Variants in CFAP299 observed in about 807,000 individuals in gnomAD.
The protein encoded by CFAP299 is cilia- and flagella-associated protein 299.
In CFAP299, 21 loss-of-function variants were observed where a neutral mutation model predicts 27.0. The ratio of observed to expected loss-of-function variants is 0.78; its 90% CI spans 0.55 to 1.12. The LOEUF is 1.12. Ranked by LOEUF, CFAP299 falls within the 50% of genes most tolerant of loss-of-function variation. The pLI, the probability that CFAP299 is intolerant of heterozygous loss-of-function variation, is 0.00. For synonymous variants in CFAP299, 104 were observed against 98.1 expected, an observed-to-expected ratio of 1.06 and a Z score of -0.36; for missense variants, 310 against 276.6, an observed-to-expected ratio of 1.12 and a Z score of -0.86.
intron 3 of CFAP299, among the ~76,000 whole-genome samples, chr4:80,772,380 A>G (rs1398616380): frequency 1.3e-5 from 2 of 152,242 alleles, no homozygotes; most frequent in Admixed American, 6.5e-5. Context: ...GGACACAGGA[A>G]CATAACTGCA....
chr4:80,541,136 A>G (rs1311827307), intron 2 of CFAP299, among the ~76,000 whole-genome samples: 1 of 122,422 alleles, frequency 8.2e-6, no homozygotes, highest in Admixed American at 7.2e-5. Context: ...TGTGATTTAG[A>G]CATATGAACA....
At chr4:80,537,540 G>A (rs1004820315) in intron 2 of CFAP299, among the ~76,000 whole-genome samples, 4 of 152,026 alleles carry the variant, frequency 2.6e-5, no homozygotes, top group African/African-American at 9.7e-5. Flanking sequence ...GCAACAACAC[G>A]GATGAACCAG....
At chr4:80,364,122 C>G (rs1405135436) in intron 2 of CFAP299, among the ~76,000 whole-genome samples, 2 of 9,134 alleles carry the variant, frequency 2.2e-4, no homozygotes, top group East Asian at 0.012. Context: ...ACACACATTT[C>G]TTTGTTCATT....
intron 5 of CFAP299, among the ~76,000 whole-genome samples, chr4:80,954,458 A>G (rs1737947782): frequency 6.6e-6 from 1 of 152,222 alleles, no homozygotes; most frequent in African/African-American, 2.4e-5. Context: ...TAAGAAAGAA[A>G]AATCTCATGT....
intron 5 of CFAP299, among the ~76,000 whole-genome samples, chr4:80,960,684 C>T (rs1434524281): frequency 6.6e-6 from 1 of 151,832 alleles, no homozygotes; most frequent in Non-Finnish European, 1.5e-5. Flanking sequence ...CCTATTCTCA[C>T]AGTGTAGTCT....
intron 3 of CFAP299, among the ~76,000 whole-genome samples, chr4:80,595,832 G>A (rs1405453352): frequency 6.6e-6 from 1 of 152,142 alleles, no homozygotes; most frequent in Non-Finnish European, 1.5e-5. Context: ...TTCTGAGGTG[G>A]TGAAGTTCTC....
chr4:80,695,611 A>T (rs541064782), intron 3 of CFAP299, among the ~76,000 whole-genome samples: 4 of 152,052 alleles, frequency 2.6e-5, no homozygotes, highest in Admixed American at 2.6e-4. Flanking sequence ...CAACCAGTGT[A>T]GACCACATAT....
chr4:80,548,730 G>A (rs1232356131), intron 2 of CFAP299, among the ~76,000 whole-genome samples: 2 of 152,052 alleles, frequency 1.3e-5, no homozygotes, highest in East Asian at 1.9e-4. Context: ...ATGATGATTT[G>A]CTCAACTCAT....
rs1728840928 is a variant in CFAP299, at chr4:80,450,398, T to C, written c.242+87514T>C. The stretch of plus-strand genomic sequence containing the variant: ...GATGACTCCACAGAAGTAATAACTA[T>C]GCTCACTTAATATCACATTGCTTAG... On this transcript the variant is annotated intron_variant, in intron 2 of 5. Transcript: ENST00000358105. Among the ~76,000 whole-genome samples the C allele has an allele frequency of 4.6e-5, 7 of 152,306 alleles. 1 individual carries two copies. The South Asian group carries it at 1.4e-3, about 32-fold the overall frequency.
At chr4:80,901,449 C>T (rs1040323780) in intron 4 of CFAP299, among the ~76,000 whole-genome samples, 2 of 152,108 alleles carry the variant, frequency 1.3e-5, no homozygotes, top group Non-Finnish European at 2.9e-5. Context: ...GTGGGTAAAA[C>T]TGAGCATAAG....
At chr4:80,738,250 C>A (rs1724031720) in intron 3 of CFAP299, among the ~76,000 whole-genome samples, 1 of 152,074 alleles carries the variant, frequency 6.6e-6, no homozygotes, top group South Asian at 2.1e-4. Flanking sequence ...TACATTTGTT[C>A]TATAGTAAAG....
At chr4:80,633,224 G>A (rs928890384) in intron 3 of CFAP299, among the ~76,000 whole-genome samples, 16 of 152,226 alleles carry the variant, frequency 1.1e-4, no homozygotes, top group South Asian at 2.1e-4. Context: ...CGAGGCGGGC[G>A]GATCACGAGG....
intron 3 of CFAP299, among the ~76,000 whole-genome samples, chr4:80,649,363 A>G (rs1309128034): frequency 6.6e-6 from 1 of 152,170 alleles, no homozygotes; most frequent in South Asian, 2.1e-4. Flanking sequence ...AAGCTTCTTC[A>G]TAGAAGAGAT....
intron 3 of CFAP299, among the ~76,000 whole-genome samples, chr4:80,620,718 C>T (rs1195073365): frequency 6.6e-6 from 1 of 152,022 alleles, no homozygotes; most frequent in African/African-American, 2.4e-5. Flanking sequence ...CCTCTTTTGT[C>T]TGCTTAAATT....
chr4:80,539,665 C>A (rs28572530), intron 2 of CFAP299, among the ~76,000 whole-genome samples: 105 of 152,280 alleles, frequency 6.9e-4, no homozygotes, highest in African/African-American at 2.5e-3. Context: ...TTTCATACTA[C>A]TGCTAAAGCT....
chr4:80,737,592 A>G (rs1280271346), intron 3 of CFAP299, among the ~76,000 whole-genome samples: 1 of 152,212 alleles, frequency 6.6e-6, no homozygotes, highest in Admixed American at 6.5e-5. Context: ...CATAGTAGCC[A>G]TTAATGATAA....
chr4:80,559,653 A>AC (rs1734946589), intron 2 of CFAP299, among the ~76,000 whole-genome samples: 1 of 152,288 alleles, frequency 6.6e-6, no homozygotes, highest in South Asian at 2.1e-4. Flanking sequence ...TGTGGAGATC[A>AC]TCTCTGGGCA....
chr4:80,614,017 A>G (rs114072142), intron 3 of CFAP299, among the ~76,000 whole-genome samples: 33 of 152,200 alleles, frequency 2.2e-4, no homozygotes, highest in African/African-American at 7.7e-4. Context: ...TTGTTTTCCA[A>G]TTAGTATAAA....
intron 1 of CFAP299, among the ~76,000 whole-genome samples, chr4:80,359,742 G>T (rs1051335813): frequency 5.3e-5 from 8 of 152,092 alleles, no homozygotes; most frequent in African/African-American, 1.9e-4. Context: ...ATGATTTTTA[G>T]CTTCTGTGCA....
Sources: allele counts gnomAD v4.1 joint callset (sites outside exome capture counted in the v4.1 genomes callset), GRCh38; gene constraint gnomAD v4.1.1; transcripts MANE v1.5; gene names NCBI Gene and HGNC (gene_info 2026-07-23, HGNC 2026-07-21).